Variants in EML1 observed in about 807,000 individuals in gnomAD.
EML1 encodes EMAP like 1, also known as echinoderm microtubule-associated protein-like 1.
EML1 carries 27 observed loss-of-function variants against 110.4 expected under a neutral mutation model. That is an observed-to-expected ratio of 0.24 (90% CI 0.18 to 0.34). EML1 has a LOEUF of 0.34. Among genes scored for constraint, EML1 ranks in the 10% least tolerant of loss-of-function variants. The pLI is 1.00. For synonymous variants in EML1, 344 were observed against 385.8 expected, an observed-to-expected ratio of 0.89 and a Z score of 1.27; for missense variants, 741 against 1,030.9, an observed-to-expected ratio of 0.72 and a Z score of 3.85.
intron 5 of EML1, among the ~76,000 whole-genome samples, chr14:99,892,363 G>A (rs1042994589): frequency 3.9e-5 from 6 of 152,110 alleles, no homozygotes; most frequent in African/African-American, 9.7e-5. Flanking sequence ...GCATTTACTC[G>A]GATGGGCTTT....
At chr14:99,920,404 C>T (rs984405978) in intron 16 of EML1, among the ~76,000 whole-genome samples, 7 of 152,210 alleles carry the variant, frequency 4.6e-5, no homozygotes, top group African/African-American at 1.4e-4. Flanking sequence ...GGTCCTGCTT[C>T]GCCCTGGAAA....
At chr14:99,813,405 A>G (rs964424298) in intron 1 of EML1, among the ~76,000 whole-genome samples, 8 of 152,320 alleles carry the variant, frequency 5.3e-5, no homozygotes, top group African/African-American at 9.6e-5. Context: ...AAAAATAACT[A>G]TCTTTACCTA....
At chr14:99,839,588 TA>T (rs1383302032) in intron 1 of EML1, among the ~76,000 whole-genome samples, 1 of 152,240 alleles carries the variant, frequency 6.6e-6, no homozygotes, top group African/African-American at 2.4e-5. Flanking sequence ...TTATCCAACC[TA>T]AGGCTTGTAA....
intron 2 of EML1, among the ~76,000 whole-genome samples, chr14:99,851,708 T>C (rs2058809414): frequency 6.6e-6 from 1 of 152,186 alleles, no homozygotes; most frequent in Non-Finnish European, 1.5e-5. Flanking sequence ...TAGCTTTTTT[T>C]TGAAAACTGT....
At chr14:99,868,746 A>T (rs562382702) in intron 3 of EML1, among the ~76,000 whole-genome samples, 2 of 151,646 alleles carry the variant, frequency 1.3e-5, no homozygotes, top group South Asian at 2.1e-4. Context: ...GATCTTTTTT[A>T]AAAAAAACAA....
intron 1 of EML1, among the ~76,000 whole-genome samples, chr14:99,837,645 G>A (rs189481348): frequency 7.9e-5 from 12 of 152,202 alleles, no homozygotes; most frequent in Admixed American, 3.9e-4. Context: ...AAAAACCTAG[G>A]TATTTTAGTA....
intron 1 of EML1, among the ~76,000 whole-genome samples, chr14:99,822,639 C>T (rs953699138): frequency 6.6e-6 from 1 of 152,152 alleles, no homozygotes; most frequent in East Asian, 1.9e-4. Context: ...TTCTTAGCCC[C>T]TCTTGTAGGT....
chr14:99,815,083 G>A (rs1233897080), intron 1 of EML1, among the ~76,000 whole-genome samples: 2 of 150,272 alleles, frequency 1.3e-5, no homozygotes, highest in Admixed American at 6.6e-5. Context: ...TAGTCATTTT[G>A]ATATCTGCGA....
chr14:99,842,819 T>G (rs1460251283), intron 1 of EML1, among the ~76,000 whole-genome samples: 1 of 152,174 alleles, frequency 6.6e-6, no homozygotes, highest in African/African-American at 2.4e-5. Flanking sequence ...AAATGCAAGG[T>G]TATACTACAG....
chr14:99,794,255 C>T (rs1006427029), intron 1 of EML1, among the ~76,000 whole-genome samples: 2 of 151,718 alleles, frequency 1.3e-5, no homozygotes, highest in Non-Finnish European at 2.9e-5. Flanking sequence ...GTCTCATTGG[C>T]AGGGTTGAAA....
chr14:99,892,832 T>G (rs1405033123), intron 5 of EML1, among the ~76,000 whole-genome samples: 1 of 152,238 alleles, frequency 6.6e-6, no homozygotes, highest in African/African-American at 2.4e-5. Context: ...TAGCATTATA[T>G]TGTCTTTATT....
At chr14:99,752,785 C>T (rs562518027) in intron 1 of EML1, among the ~76,000 whole-genome samples, 4 of 151,960 alleles carry the variant, frequency 2.6e-5, no homozygotes, top group South Asian at 4.2e-4. Flanking sequence ...CAGGGTCAGT[C>T]GGGAGGAAGC....
intron 4 of EML1, among the ~76,000 whole-genome samples, chr14:99,880,421 G>A (rs1181574432): frequency 6.6e-6 from 1 of 152,090 alleles, no homozygotes; most frequent in African/African-American, 2.4e-5. Context: ...TCCCACGTGC[G>A]CAGCCCCATG....
At chr14:99,761,291 C>T (rs2057311389) in intron 1 of EML1, among the ~76,000 whole-genome samples, 1 of 152,172 alleles carries the variant, frequency 6.6e-6, no homozygotes, top group South Asian at 2.1e-4. Flanking sequence ...GCTTCATCCC[C>T]CTCTGGTTGC....
At chr14:99,795,646 C>A (rs934314185) in intron 1 of EML1, among the ~76,000 whole-genome samples, 11 of 152,146 alleles carry the variant, frequency 7.2e-5, no homozygotes, top group Non-Finnish European at 1.5e-5. Flanking sequence ...TCAATTAAAG[C>A]AGTGGATCAC....
chr14:99,850,354 A>G, intron 1 of EML1: 1 of 1,289,016 alleles, frequency 7.8e-7, no homozygotes, highest in Non-Finnish European at 1.0e-6. Context: ...TGATTACCAT[A>G]ATTGTAAGGG....
chr14:99,739,065 A>AGT (rs35246718), intron 1 of EML1, among the ~76,000 whole-genome samples: 3,239 of 138,614 alleles, frequency 0.023, 109 homozygotes, highest in South Asian at 0.084. Flanking sequence ...AGAGTGTGAG[A>AGT]GTGTGTGTGT....
At chr14:99,900,585 T>C (rs2059747440) in intron 8 of EML1, among the ~76,000 whole-genome samples, 1 of 152,206 alleles carries the variant, frequency 6.6e-6, no homozygotes, top group African/African-American at 2.4e-5. Flanking sequence ...AACCCATATG[T>C]GAGATTCCAT....
chr14:99,805,794 CA>C (rs568252807), intron 1 of EML1, among the ~76,000 whole-genome samples: 2,406 of 149,406 alleles, frequency 0.016, 23 homozygotes, highest in Non-Finnish European at 0.02. Context: ...CTTTTTTTTT[CA>C]AAAAAAAATT....
Sources: gnomAD v4.1 joint callset for allele counts (sites outside exome capture counted in the v4.1 genomes callset) on GRCh38, gnomAD v4.1.1 for gene constraint, MANE v1.5 for transcripts, NCBI Gene and HGNC (gene_info 2026-07-23, HGNC 2026-07-21) for gene names.